NAV1: variants seen among roughly 807,000 people sequenced by gnomAD.
NAV1 encodes neuron navigator 1, also known as pore membrane and/or filament interacting like protein 3.
In NAV1, 18 loss-of-function variants were observed where a neutral mutation model predicts 175.2. That is an observed-to-expected ratio of 0.10 (90% confidence interval 0.07 to 0.15). The LOEUF (loss-of-function observed/expected upper bound fraction) is 0.15. Ranked by LOEUF, NAV1 falls within the 10% of genes least tolerant of loss-of-function variation. The probability of loss-of-function intolerance (pLI) is 1.00; values close to 1 mark genes in which losing one functional copy is unlikely to be tolerated. For synonymous variants in NAV1, 897 were observed against 978.7 expected (o/e 0.92, Z 1.56); for missense variants, 1,731 against 2,436.6 (o/e 0.71, Z 6.10).
chr1:201,650,125 C>T (rs1234032827), intron 1 of NAV1, among the ~76,000 whole-genome samples: 1 of 152,264 alleles, frequency 6.6e-6, no homozygotes, highest in African/African-American at 2.4e-5. Context: ...CGCCGAGACT[C>T]CTGTTTGACC....
intron 3 of NAV1, among the ~76,000 whole-genome samples, chr1:201,745,062 T>C (rs758140889): frequency 3.9e-5 from 6 of 152,192 alleles, no homozygotes; most frequent in Non-Finnish European, 8.8e-5. Flanking sequence ...ATCGAATAAT[T>C]CTACACTTGT....
chr1:201,559,142 AG>A (rs1666122842), intron 1 of NAV1, among the ~76,000 whole-genome samples: 1 of 152,190 alleles, frequency 6.6e-6, no homozygotes, highest in African/African-American at 2.4e-5. Context: ...GCATAGCGCC[AG>A]GCATATGGAA....
intron 1 of NAV1, among the ~76,000 whole-genome samples, chr1:201,545,222 C>T (rs1665632484): frequency 6.6e-6 from 1 of 152,110 alleles, no homozygotes; most frequent in Non-Finnish European, 1.5e-5. Flanking sequence ...TGCATAGATT[C>T]CTATGATCTG....
At chr1:201,784,777 G>A (rs1676602814) in intron 7 of NAV1, among the ~76,000 whole-genome samples, 2 of 151,454 alleles carry the variant, frequency 1.3e-5, no homozygotes, top group African/African-American at 4.9e-5. Flanking sequence ...TGTTGTTGTT[G>A]TTGTTTTGAG....
chr1:201,675,426 G>A (rs77765774), intron 1 of NAV1, among the ~76,000 whole-genome samples: 2 of 152,136 alleles, frequency 1.3e-5, no homozygotes, highest in African/African-American at 2.4e-5. Context: ...GGCCAGCCTC[G>A]TGTAACCTCA....
At chr1:201,714,461 GA>G (rs1672052482) in intron 2 of NAV1, among the ~76,000 whole-genome samples, 2 of 152,148 alleles carry the variant, frequency 1.3e-5, no homozygotes, top group African/African-American at 4.8e-5. Context: ...ACTCTCTGGG[GA>G]TTACCTCTGC....
intron 2 of NAV1, 120 bp downstream of exon 6, chr1:201,713,039 C>G (rs987457281): frequency 1.5e-5 from 10 of 667,588 alleles, no homozygotes; most frequent in Non-Finnish European, 2.5e-5. Context: ...TGGCCTGATG[C>G]GTGGAGCCAC....
chr1:201,568,398 C>T (rs1219176313), intron 1 of NAV1, among the ~76,000 whole-genome samples: 2 of 152,178 alleles, frequency 1.3e-5, no homozygotes, highest in Non-Finnish European at 2.9e-5. Flanking sequence ...ACTGCCATCA[C>T]CGCTTCCCGG....
intron 28 of NAV1, among the ~76,000 whole-genome samples, chr1:201,814,931 C>T (rs1163777160): frequency 1.8e-4 from 27 of 148,648 alleles, no homozygotes; most frequent in Admixed American, 1.5e-3. Flanking sequence ...CCCAGCTACT[C>T]GGGAGGCTGA....
intron 2 of NAV1, among the ~76,000 whole-genome samples, chr1:201,602,667 G>GTTT (rs374267102): frequency 2.4e-4 from 29 of 120,660 alleles, no homozygotes; most frequent in African/African-American, 6.7e-4. Context: ...TTTTTTTTTG[G>GTTT]TTTTTTTTTT....
chr1:201,749,675 T>G (rs1038217295), intron 3 of NAV1, among the ~76,000 whole-genome samples: 1 of 152,204 alleles, frequency 6.6e-6, no homozygotes, highest in Non-Finnish European at 1.5e-5. Flanking sequence ...AAAGACTATA[T>G]TGGAAGTTTC....
chr1:201,677,398 T>TAA lies in NAV1; in HGVS notation c.757+27973_757+27974insAA, dbSNP rs570958889. The stretch of plus-strand genomic sequence containing the variant: ...TCCCTGCAAGTTTCCTCAGTGCCTC[T>TAA]CCAGTTCTGTGCCATGGGACATGGA... On this transcript the variant is annotated intron_variant, in intron 1 of 29. Transcript: ENST00000367296. Among the ~76,000 whole-genome samples the TAA allele has an allele frequency of 1.8e-4, 27 of 152,266 alleles. No individual in the cohort carries two copies. In the South Asian group the frequency reaches 5.0e-3, roughly 28 times the overall value.
Position 201,696,171 on chromosome 1 carries a change from A to G in NAV1, c.758-16646A>G, listed in dbSNP as rs143145253. 8.6e-5 allele frequency among the ~76,000 whole-genome samples: 13 copies of G among 151,850 alleles called. No homozygotes were observed. The East Asian group carries it at 2.3e-3, about 27-fold the overall frequency. ...CTCCAGTCCCACACATGTGTTACCC[A>G]TGAAGGAGAGGGTGGGGTTGGGAGA... is the stretch of plus-strand genomic sequence containing the variant. On this transcript the variant is annotated intron_variant, in intron 1 of 29. Coordinates refer to ENST00000367296, the Ensembl canonical transcript of NAV1.
chr1:201,615,034 G>T (rs1228478026), intron 2 of NAV1, among the ~76,000 whole-genome samples: 1 of 152,220 alleles, frequency 6.6e-6, no homozygotes, highest in African/African-American at 2.4e-5. Context: ...GTGGGATGTA[G>T]ACTGGAAAGG....
intron 2 of NAV1, among the ~76,000 whole-genome samples, chr1:201,630,931 C>A (rs1333591392): frequency 6.6e-6 from 1 of 152,180 alleles, no homozygotes; most frequent in Non-Finnish European, 1.5e-5. Context: ...CGATTATTAT[C>A]CGATGAGTTG....
intron 1 of NAV1, chr1:201,673,296 C>T (rs1670117647): frequency 6.6e-6 from 1 of 152,222 alleles, no homozygotes. Context: ...GAGAGTGCGT[C>T]TATAAGGGAT....
intron 2 of NAV1, among the ~76,000 whole-genome samples, chr1:201,713,289 G>C (rs1477905028): frequency 1.7e-4 from 26 of 152,296 alleles, no homozygotes; most frequent in Non-Finnish European, 5.9e-5. Context: ...CTCTCTTCCT[G>C]TTCCTAAGTC....
intron 3 of NAV1, among the ~76,000 whole-genome samples, chr1:201,772,917 T>C (rs569611470): frequency 7.9e-5 from 12 of 151,798 alleles, no homozygotes; most frequent in Admixed American, 2.0e-4. Flanking sequence ...CTTGTAGTCC[T>C]AGCTACTTGG....
chr1:201,680,574 G>A (rs1371255894), intron 1 of NAV1, among the ~76,000 whole-genome samples: 1 of 151,936 alleles, frequency 6.6e-6, no homozygotes, highest in African/African-American at 2.4e-5. Context: ...AATTAATAGA[G>A]TGAGAACTCA....
Sources: gnomAD v4.1 joint callset for allele counts (sites outside exome capture counted in the v4.1 genomes callset) on GRCh38, gnomAD v4.1.1 for gene constraint, MANE v1.5 for transcripts, NCBI Gene and HGNC (gene_info 2026-07-23, HGNC 2026-07-21) for gene names.